Variants in SH3PXD2A observed in about 807,000 individuals in gnomAD.
The protein encoded by SH3PXD2A is SH3 and PX domains 2A.
In SH3PXD2A, 32 loss-of-function variants were observed where a neutral mutation model predicts 115.2. The ratio of observed to expected loss-of-function variants is 0.28; its 90% CI spans 0.21 to 0.37. The LOEUF (loss-of-function observed/expected upper bound fraction) is 0.37. Ranked by LOEUF, SH3PXD2A falls within the 10% of genes least tolerant of loss-of-function variation. SH3PXD2A has a pLI of 1.00. For missense variants in SH3PXD2A, 1,328 were observed against 1,498.7 expected (o/e 0.89, Z 1.88); for synonymous variants, 610 against 629.1 (o/e 0.97, Z 0.45).
At chr10:103,684,768 C>T (rs891628441) in intron 6 of SH3PXD2A, among the ~76,000 whole-genome samples, 1 of 152,124 alleles carries the variant, frequency 6.6e-6, no homozygotes, top group Non-Finnish European at 1.5e-5. Context: ...GCGGTTCACA[C>T]CTGTAATCCC....
At chr10:103,836,682 T>TACACACACACAC (rs55855121) in intron 1 of SH3PXD2A, among the ~76,000 whole-genome samples, 2,655 of 148,842 alleles carry the variant, frequency 0.018, 28 homozygotes, top group Middle Eastern at 0.045. Flanking sequence ...CACAGACATG[T>TACACACACACAC]ACACACACAC....
chr10:103,738,234 C>T (rs74488068), intron 3 of SH3PXD2A, among the ~76,000 whole-genome samples: 2 of 152,254 alleles, frequency 1.3e-5, no homozygotes, highest in Non-Finnish European at 2.9e-5. Flanking sequence ...TTTATCCAGA[C>T]ACTGGCGACG....
intron 2 of SH3PXD2A, among the ~76,000 whole-genome samples, chr10:103,798,118 G>A (rs925547814): frequency 6.6e-6 from 1 of 152,160 alleles, no homozygotes; most frequent in Non-Finnish European, 1.5e-5. Flanking sequence ...GGAGACATAA[G>A]GGAGGGGAAG....
chr10:103,644,449 T>C (rs372728577), intron 8 of SH3PXD2A, among the ~76,000 whole-genome samples: 16 of 152,092 alleles, frequency 1.1e-4, no homozygotes, highest in Admixed American at 6.5e-4. Flanking sequence ...TAGCGGGGCA[T>C]AGTGGTACGC....
intron 6 of SH3PXD2A, among the ~76,000 whole-genome samples, chr10:103,673,000 C>T (rs2037484514): frequency 6.6e-6 from 1 of 152,192 alleles, no homozygotes; most frequent in Non-Finnish European, 1.5e-5. Context: ...TACTTAGATG[C>T]TGAACCTGAT....
intron 5 of SH3PXD2A, among the ~76,000 whole-genome samples, chr10:103,720,458 C>A (rs748180653): frequency 6.6e-6 from 1 of 152,208 alleles, no homozygotes; most frequent in African/African-American, 2.4e-5. Flanking sequence ...CCCACCTCCC[C>A]CACTGAGTCT....
At chr10:103,751,141 A>G (rs1449602067) in intron 3 of SH3PXD2A, among the ~76,000 whole-genome samples, 1 of 152,238 alleles carries the variant, frequency 6.6e-6, no homozygotes, top group East Asian at 1.9e-4. Context: ...CCTAGTAGGT[A>G]AGATTAATAT....
chr10:103,640,584 A>T (rs2036940039), intron 8 of SH3PXD2A, among the ~76,000 whole-genome samples: 1 of 152,200 alleles, frequency 6.6e-6, no homozygotes. Flanking sequence ...AGTCATCATC[A>T]GCAATCGTGG....
chr10:103,751,897 G>A (rs1351109761), intron 3 of SH3PXD2A, among the ~76,000 whole-genome samples: 1 of 152,230 alleles, frequency 6.6e-6, no homozygotes, highest in Admixed American at 6.5e-5. Flanking sequence ...CTCGTGATCT[G>A]TGACTGTCTG....
At chr10:103,840,184 C>T (rs565748617) in intron 1 of SH3PXD2A, among the ~76,000 whole-genome samples, 16 of 152,150 alleles carry the variant, frequency 1.1e-4, no homozygotes, top group African/African-American at 3.6e-4. Context: ...CAGGGCAGGG[C>T]GGGGAGGTTG....
At chr10:103,790,053 C>T (rs2039019487) in intron 2 of SH3PXD2A, among the ~76,000 whole-genome samples, 1 of 152,160 alleles carries the variant, frequency 6.6e-6, no homozygotes, top group South Asian at 2.1e-4. Context: ...ACGGCAGCTT[C>T]TCTCTAGGCA....
intron 2 of SH3PXD2A, among the ~76,000 whole-genome samples, chr10:103,768,359 C>A (rs1030754693): frequency 6.6e-6 from 1 of 152,160 alleles, no homozygotes; most frequent in Non-Finnish European, 1.5e-5. Flanking sequence ...CAGAGACCTG[C>A]AGGGGGGCGA....
At chr10:103,707,495 G>T (rs971971995) in intron 5 of SH3PXD2A, among the ~76,000 whole-genome samples, 6 of 152,134 alleles carry the variant, frequency 3.9e-5, no homozygotes, top group Admixed American at 3.3e-4. Context: ...GCGCCAGGCT[G>T]TATTTCAATA....
At chr10:103,652,113 C>A (rs974731631) in intron 8 of SH3PXD2A, among the ~76,000 whole-genome samples, 5 of 152,224 alleles carry the variant, frequency 3.3e-5, no homozygotes, top group Non-Finnish European at 7.3e-5. Flanking sequence ...TCAGGGGAGG[C>A]AAACGAACTT....
At chr10:103,702,639 G>C (rs1481496289) in intron 5 of SH3PXD2A, among the ~76,000 whole-genome samples, 1 of 125,026 alleles carries the variant, frequency 8.0e-6, no homozygotes, top group East Asian at 2.4e-4. Flanking sequence ...GGGCAAGAAG[G>C]CTGTATGTCT....
chr10:103,793,587 C>T (rs1266127853), intron 2 of SH3PXD2A, among the ~76,000 whole-genome samples: 8 of 152,242 alleles, frequency 5.3e-5, no homozygotes, highest in South Asian at 2.1e-4. Context: ...TCAGTCAAGG[C>T]TGATGTTCTC....
chr10:103,705,824 C>A (rs2037973532), intron 5 of SH3PXD2A, among the ~76,000 whole-genome samples: 1 of 152,052 alleles, frequency 6.6e-6, no homozygotes. Flanking sequence ...CATGGTGAAA[C>A]CCTGTCTACT....
chr10:103,612,368 G>A (rs2036441224), intron 12 of SH3PXD2A, among the ~76,000 whole-genome samples: 1 of 152,190 alleles, frequency 6.6e-6, no homozygotes, highest in South Asian at 2.1e-4. Context: ...GAGCTGCTAA[G>A]GCCCAGAAAG....
intron 8 of SH3PXD2A, among the ~76,000 whole-genome samples, chr10:103,630,150 A>G (rs2036757369): frequency 6.6e-6 from 1 of 152,242 alleles, no homozygotes; most frequent in Non-Finnish European, 1.5e-5. Flanking sequence ...TGCCCAGGCC[A>G]CCATGGTTTG....
Sources: allele counts gnomAD v4.1 joint callset (sites outside exome capture counted in the v4.1 genomes callset), GRCh38; gene constraint gnomAD v4.1.1; transcripts MANE v1.5; gene names NCBI Gene and HGNC (gene_info 2026-07-23, HGNC 2026-07-21).